The following ZNF804B variants were observed in gnomAD, a reference collection of about 807,000 sequenced individuals.
ZNF804B encodes the protein zinc finger protein 804B.
A neutral mutation model predicts 101.4 loss-of-function variants in ZNF804B; 80 were observed. The observed-to-expected ratio is 0.79, with a 90% CI of 0.66 to 0.95. The LOEUF (loss-of-function observed/expected upper bound fraction) is 0.95. Ranked by LOEUF, ZNF804B falls within the 40% of genes least tolerant of loss-of-function variation. The pLI, the probability that ZNF804B is intolerant of heterozygous loss-of-function variation, is 0.00. For missense variants in ZNF804B, 1,673 were observed against 1,561.9 expected (o/e 1.07, Z -1.20); for synonymous variants, 622 against 558.8 (o/e 1.11, Z -1.59).
rs539915896 is a variant in ZNF804B at position 89,148,622 on chromosome 7, CAATATT to C, written c.109-69531_109-69526del. 1.3e-3 allele frequency among the ~76,000 whole-genome samples: 194 copies of C among 152,042 alleles called. 1 individual carries two copies. The highest frequency in any genetic ancestry group is 4.6e-3 in the African/African-American group (191 of 41,514). Reference sequence around the variant, plus strand: ...AATAAAGCTAATTTGAAAATTAAATCAATATTATCTCTAAAGATATAAAAATCCCAG... The same window carrying C: ...AATAAAGCTAATTTGAAAATTAAATCATCTCTAAAGATATAAAAATCCCAG... On this transcript the variant is annotated intron_variant, in intron 1 of 3. Coordinates refer to ENST00000333190, the MANE Select transcript of ZNF804B (RefSeq NM_181646.5).
At chr7:88,955,563 A>G (rs377332716) in intron 1 of ZNF804B, among the ~76,000 whole-genome samples, 2 of 151,548 alleles carry the variant, frequency 1.3e-5, no homozygotes, top group East Asian at 2.0e-4. Flanking sequence ...CCTTTTCATC[A>G]TTTTACATTC....
chr7:89,105,676 A>G (rs1790126441), intron 1 of ZNF804B, among the ~76,000 whole-genome samples: 1 of 152,130 alleles, frequency 6.6e-6, no homozygotes, highest in Non-Finnish European at 1.5e-5. Context: ...CGTCTCACAC[A>G]GCAAGCAACA....
At chr7:89,001,785 C>A (rs909996197) in intron 1 of ZNF804B, among the ~76,000 whole-genome samples, 7 of 151,712 alleles carry the variant, frequency 4.6e-5, no homozygotes, top group African/African-American at 1.7e-4. Flanking sequence ...ATTGAAATGC[C>A]TGTCATGTAC....
At chr7:89,120,492 C>G (rs917268158) in intron 1 of ZNF804B, among the ~76,000 whole-genome samples, 8 of 151,616 alleles carry the variant, frequency 5.3e-5, no homozygotes, top group African/African-American at 1.9e-4. Context: ...CCCGTCTCTA[C>G]TAAAAATACA....
chr7:88,827,508 C>T (rs1197671896), intron 1 of ZNF804B, among the ~76,000 whole-genome samples: 3 of 151,684 alleles, frequency 2.0e-5, no homozygotes, highest in African/African-American at 7.3e-5. Context: ...TTTTATGCTG[C>T]TATTTGTCTT....
intron 2 of ZNF804B, among the ~76,000 whole-genome samples, chr7:89,318,997 C>T (rs900362424): frequency 2.2e-4 from 33 of 152,208 alleles, no homozygotes; most frequent in African/African-American, 7.0e-4. Context: ...AGGGATGGGC[C>T]GACTTAATTG....
intron 1 of ZNF804B, among the ~76,000 whole-genome samples, chr7:89,173,543 A>G (rs1791270863): frequency 1.3e-5 from 2 of 152,260 alleles, no homozygotes; most frequent in South Asian, 4.1e-4. Flanking sequence ...ATGTGCTTCA[A>G]GAATGAAATG....
At position 89,337,134 on chromosome 7, in the gene ZNF804B, T is replaced by C. The variant is rs1363253830; in HGVS notation, c.*102T>C. 4 of 1,162,168 alleles carry C rather than the reference T, an allele frequency of 3.4e-6. No individual in the cohort carries two copies. The highest frequency in any genetic ancestry group is 3.6e-6 in the Non-Finnish European group (3 of 841,870). The allele number at this position is 1,162,168 out of a possible 1,614,324, so 72.0% of individuals were successfully genotyped here. A position where few individuals can be genotyped will look rare whatever the true frequency, so the allele number is the denominator to read the frequency against. On this transcript the variant is annotated 3_prime_UTR_variant, in exon 4 of 4. Coordinates refer to ENST00000333190, the MANE Select transcript of ZNF804B (RefSeq NM_181646.5). ...TCAATTATAAGATTTAAAATATTGC[T>C]GCCAATTCAAAATGTGACAAATATA...
chr7:89,270,468 G>T (rs2115836903), intron 2 of ZNF804B, among the ~76,000 whole-genome samples: 1 of 152,208 alleles, frequency 6.6e-6, no homozygotes, highest in East Asian at 1.9e-4. Flanking sequence ...GGTTACTGTA[G>T]CCTTGTAGTA....
intron 1 of ZNF804B, among the ~76,000 whole-genome samples, chr7:88,900,589 T>C (rs1461682898): frequency 2.7e-5 from 4 of 147,512 alleles, no homozygotes; most frequent in South Asian, 4.4e-4. Flanking sequence ...GTGATCAATA[T>C]TGGGGAAAAG....
chr7:89,156,054 T>C lies in ZNF804B; in HGVS notation c.109-62101T>C, dbSNP rs5022271. Among the ~76,000 whole-genome samples the C allele has an allele frequency of 7.4e-3, 556 of 74,864 alleles. 13 individuals carry two copies. The highest frequency in any genetic ancestry group is 0.01 in the Non-Finnish European group (327 of 31,224). 49.1% of individuals were successfully genotyped at this position (74,864 alleles called of 152,430 possible). A position where few individuals can be genotyped will look rare whatever the true frequency, so the allele number is the denominator to read the frequency against. On this transcript the variant is annotated intron_variant, in intron 1 of 3. Coordinates refer to ENST00000333190, the MANE Select transcript of ZNF804B (RefSeq NM_181646.5). ...TTTCTTTCTTTCTTTCTTTCTTTCT[T>C]TCTTTCTTTCTTTCTTTCTCTCTTT... is the stretch of plus-strand genomic sequence containing the variant.
At chr7:88,890,223 A>G (rs1456657141) in intron 1 of ZNF804B, among the ~76,000 whole-genome samples, 1 of 152,156 alleles carries the variant, frequency 6.6e-6, no homozygotes, top group Non-Finnish European at 1.5e-5. Context: ...TATTTCTCTG[A>G]ACTATTTTTA....
intron 1 of ZNF804B, among the ~76,000 whole-genome samples, chr7:89,126,719 G>A (rs927132547): frequency 2.0e-5 from 3 of 151,462 alleles, no homozygotes; most frequent in East Asian, 1.9e-4. Flanking sequence ...TTATAGATTC[G>A]GAGTACGGAG....
At chr7:88,967,627 G>A (rs1793475537) in intron 1 of ZNF804B, among the ~76,000 whole-genome samples, 1 of 150,990 alleles carries the variant, frequency 6.6e-6, no homozygotes, top group Non-Finnish European at 1.5e-5. Flanking sequence ...ACCGTGGGGA[G>A]GCAGTCTAGA....
chr7:89,301,578 A>G (rs1421131664), intron 2 of ZNF804B, among the ~76,000 whole-genome samples: 1 of 151,890 alleles, frequency 6.6e-6, no homozygotes, highest in East Asian at 1.9e-4. Context: ...GCTAGTTAGT[A>G]TTCCTTGAAT....
At chr7:88,975,878 A>T (rs1385894442) in intron 1 of ZNF804B, among the ~76,000 whole-genome samples, 3 of 151,574 alleles carry the variant, frequency 2.0e-5, no homozygotes, top group Admixed American at 1.3e-4. Context: ...ATTTTGCCCA[A>T]TGTTTCCTTT....
intron 1 of ZNF804B, among the ~76,000 whole-genome samples, chr7:89,203,207 C>T (rs756723441): frequency 8.5e-5 from 13 of 152,222 alleles, no homozygotes; most frequent in Non-Finnish European, 1.3e-4. Flanking sequence ...ACACCATCAG[C>T]GCTGCCATTA....
intron 1 of ZNF804B, among the ~76,000 whole-genome samples, chr7:89,196,905 A>C (rs2115635248): frequency 6.6e-6 from 1 of 152,282 alleles, no homozygotes; most frequent in African/African-American, 2.4e-5. Context: ...ATGCAGATCA[A>C]ATCTACAATG....
intron 2 of ZNF804B, among the ~76,000 whole-genome samples, chr7:89,222,152 G>A (rs1789013776): frequency 1.3e-5 from 2 of 151,882 alleles, no homozygotes; most frequent in Non-Finnish European, 1.5e-5. Flanking sequence ...AGGCATGGGG[G>A]CAGTTAAAAA....
Sources: allele counts gnomAD v4.1 joint callset (sites outside exome capture counted in the v4.1 genomes callset), GRCh38; gene constraint gnomAD v4.1.1; transcripts MANE v1.5; gene names NCBI Gene and HGNC (gene_info 2026-07-23, HGNC 2026-07-21).